Variants in USH2A observed in about 807,000 individuals in gnomAD.
USH2A encodes the protein Usher syndrome 2A (autosomal recessive, mild).
USH2A carries 443 observed loss-of-function variants against 538.9 expected under a neutral mutation model. That is an observed-to-expected ratio of 0.82 (90% confidence interval 0.76 to 0.89). The LOEUF is 0.89. Ranked by LOEUF, USH2A falls within the 40% of genes least tolerant of loss-of-function variation. The pLI is 0.00. For synonymous variants in USH2A, 2,413 were observed against 2,273.5 expected, an observed-to-expected ratio of 1.06 and a Z score of -1.75; for missense variants, 6,633 against 6,324.8, an observed-to-expected ratio of 1.05 and a Z score of -1.65.
intron 14 of USH2A, among the ~76,000 whole-genome samples, chr1:216,231,707 C>T (rs1019277340): frequency 6.6e-6 from 1 of 151,832 alleles, no homozygotes; most frequent in African/African-American, 2.4e-5. Flanking sequence ...GCCACCTTGC[C>T]CAGCTAATTT....
chr1:216,186,998 AG>A (rs2034618584), intron 20 of USH2A, among the ~76,000 whole-genome samples: 1 of 151,914 alleles, frequency 6.6e-6, no homozygotes, highest in South Asian at 2.1e-4. Context: ...CTCTACCACC[AG>A]GGAAGTCTTC....
At chr1:216,263,378 T>C (rs972508725) in intron 11 of USH2A, among the ~76,000 whole-genome samples, 3 of 152,132 alleles carry the variant, frequency 2.0e-5, no homozygotes, top group Non-Finnish European at 4.4e-5. Flanking sequence ...AATAAAATAC[T>C]GGCAGACCGA....
intron 15 of USH2A, among the ~76,000 whole-genome samples, chr1:216,210,245 C>T (rs1198759646): frequency 6.7e-6 from 1 of 149,816 alleles, no homozygotes; most frequent in East Asian, 1.9e-4. Context: ...ACTAAGTATA[C>T]CACTGGAGGC....
intron 11 of USH2A, among the ~76,000 whole-genome samples, chr1:216,260,038 G>A (rs531366245): frequency 5.3e-5 from 8 of 152,116 alleles, no homozygotes; most frequent in African/African-American, 1.9e-4. Flanking sequence ...AGAGTTAATA[G>A]TAAGAGATGA....
rs199694401 is a variant in USH2A, at chr1:215,650,745, G to T, written c.14190C>A (p.Thr4730=). 2 of 1,613,706 alleles carry T rather than the reference G, an allele frequency of 1.2e-6. No individual in the cohort carries two copies. Among genetic ancestry groups the T allele is most frequent in the Admixed American group, 3.3e-5 (2 of 59,970 alleles). The change falls in exon 65 of 72, where the codon ACC becomes ACA. Residue 4730 remains threonine, a synonymous_variant. Transcript: ENST00000307340. ...TGAGACCTTCTGGTGGGGCTGGCCC[G>T]GTTCTGCACCATGTCCAGCTACTGG... The part of the protein sequence containing the change: ...KAPSSWTWCR[T]GPAPPEGLRA...
chr1:216,240,738 G>A (rs2035922260), intron 13 of USH2A, among the ~76,000 whole-genome samples: 1 of 152,020 alleles, frequency 6.6e-6, no homozygotes, highest in African/African-American at 2.4e-5. Flanking sequence ...TTTTTCAGAA[G>A]CTACTAGAAC....
chr1:216,134,544 T>G (rs767389927), intron 21 of USH2A, among the ~76,000 whole-genome samples: 1 of 152,052 alleles, frequency 6.6e-6, no homozygotes. Context: ...TAATATAGGG[T>G]TTGCATTTGG....
At chr1:215,969,606 G>T (rs1254903924) in intron 36 of USH2A, among the ~76,000 whole-genome samples, 1 of 151,690 alleles carries the variant, frequency 6.6e-6, no homozygotes, top group African/African-American at 2.4e-5. Context: ...TGCATTTAAG[G>T]GTAAGTATCC....
intron 21 of USH2A, among the ~76,000 whole-genome samples, chr1:216,170,515 A>G (rs909902993): frequency 3.9e-5 from 6 of 152,214 alleles, no homozygotes; most frequent in Admixed American, 1.3e-4. Context: ...GGTTTGCTAC[A>G]AAGATCTCCC....
chr1:216,199,179 G>T (rs921836110), intron 17 of USH2A, among the ~76,000 whole-genome samples: 1 of 152,128 alleles, frequency 6.6e-6, no homozygotes, highest in Admixed American at 6.5e-5. Context: ...GGGTTCAAAT[G>T]CATGAATGCA....
chr1:215,795,373 T>A (rs1461308708), intron 50 of USH2A, among the ~76,000 whole-genome samples: 1 of 152,136 alleles, frequency 6.6e-6, no homozygotes. Flanking sequence ...CATTCATCCC[T>A]CTCTTATGGT....
chr1:215,909,035 C>T (rs1445975464), intron 38 of USH2A, among the ~76,000 whole-genome samples: 26 of 149,556 alleles, frequency 1.7e-4, no homozygotes, highest in Non-Finnish European at 3.7e-4. Flanking sequence ...TATATATCTA[C>T]ATGTCATATA....
Position 216,324,415 on chromosome 1 carries a change from A to G in USH2A, c.1144-63T>C, listed in dbSNP as rs145273887. The G allele has an allele frequency of 1.8e-4, 253 of 1,406,518 alleles. 1 individual carries two copies. The African/African-American group carries it at 3.3e-3, about 18-fold the overall frequency. 87.1% of individuals were successfully genotyped at this position (1,406,518 alleles called of 1,614,324 possible). A position where few individuals can be genotyped will look rare whatever the true frequency, so the allele number is the denominator to read the frequency against. On this transcript the variant is annotated intron_variant, in intron 6 of 71. Transcript: ENST00000307340. ...AAGTTTAACCATCAGTATATATCAA[A>G]CCATGGAATTATTAGATTCAAATAT...
intron 20 of USH2A, among the ~76,000 whole-genome samples, chr1:216,184,291 C>T (rs936670126): frequency 6.6e-6 from 1 of 152,034 alleles, no homozygotes; most frequent in African/African-American, 2.4e-5. Context: ...TTCAGCTCGC[C>T]TCTGCAGCTC....
In USH2A at chr1:215,758,664, C is replaced by T; in HGVS notation, c.11320G>A (p.Glu3774Lys). The T allele has an allele frequency of 6.2e-7, 1 of 1,613,578 alleles. No individual in the cohort carries two copies. Among genetic ancestry groups the T allele is most frequent in the East Asian group, 2.2e-5 (1 of 44,824 alleles). ...GTGATATTATATGGAGGATAGATTT[C>T]TTCTGGTGTTGACATAGGTGTTTGA... ...IVQTPMSTPE[E>K]IYPPYNITVI... Residue 3774 changes from glutamate (E) to lysine (K), a missense_variant, in exon 58 of 72, where the codon GAA becomes AAA. Glu to Lys is a moderately conservative substitution (Grantham distance 56). Coordinates refer to ENST00000307340, the MANE Select transcript of USH2A (RefSeq NM_206933.4).
At chr1:216,406,554 C>G (rs775617058) in intron 3 of USH2A, among the ~76,000 whole-genome samples, 1 of 152,168 alleles carries the variant, frequency 6.6e-6, no homozygotes, top group African/African-American at 2.4e-5. Context: ...CTAGACCTCT[C>G]CAAGTTCGGT....
intron 9 of USH2A, among the ~76,000 whole-genome samples, chr1:216,295,947 G>A (rs1324319402): frequency 6.6e-6 from 1 of 151,896 alleles, no homozygotes; most frequent in East Asian, 1.9e-4. Context: ...ACATACACTA[G>A]TCAAAAGCAT....
At chr1:215,900,627 T>C in intron 39 of USH2A, 128 bp downstream of exon 39, 1 of 1,203,818 alleles carries the variant, frequency 8.3e-7, no homozygotes, top group South Asian at 1.3e-5. Flanking sequence ...CTCTAATTGT[T>C]TGGGGTTTTT....
chr1:215,934,919 A>T (rs1307037081), intron 37 of USH2A, 124 bp from the exon 38 acceptor site: 1 of 867,460 alleles, frequency 1.2e-6, no homozygotes, highest in African/African-American at 1.7e-5. Flanking sequence ...TTACCACTCT[A>T]AGAGGCATTA....
Sources: gnomAD v4.1 joint callset for allele counts (sites outside exome capture counted in the v4.1 genomes callset) on GRCh38, gnomAD v4.1.1 for gene constraint, MANE v1.5 for transcripts, NCBI Gene and HGNC (gene_info 2026-07-23, HGNC 2026-07-21) for gene names.